Variants in OXNAD1 observed in about 807,000 individuals in gnomAD.
The protein encoded by OXNAD1 is oxidoreductase NAD binding domain containing 1.
A neutral mutation model predicts 32.9 loss-of-function variants in OXNAD1; 34 were observed. The ratio of observed to expected loss-of-function variants is 1.03; its 90% CI spans 0.79 to 1.38. The LOEUF (loss-of-function observed/expected upper bound fraction) is 1.38, where lower values mean the gene tolerates loss of function less well. Ranked by LOEUF, OXNAD1 falls within the 40% of genes most tolerant of loss-of-function variation. The pLI, the probability that OXNAD1 is intolerant of heterozygous loss-of-function variation, is 0.00. For synonymous variants in OXNAD1, 134 were observed against 135.2 expected, an observed-to-expected ratio of 0.99 and a Z score of 0.06; for missense variants, 407 against 379.4, an observed-to-expected ratio of 1.07 and a Z score of -0.60.
intron 9 of OXNAD1, among the ~76,000 whole-genome samples, chr3:16,331,864 C>T (rs1300014871): frequency 6.6e-6 from 1 of 152,244 alleles, no homozygotes; most frequent in East Asian, 1.9e-4. Flanking sequence ...CTAAAAATGC[C>T]TTTGTGTTAA....
intron 4 of OXNAD1, among the ~76,000 whole-genome samples, chr3:16,273,397 T>G (rs1283374187): frequency 1.3e-5 from 2 of 149,694 alleles, no homozygotes; most frequent in East Asian, 3.9e-4. Context: ...TTTTTTTTTT[T>G]TTTTTGAGAC....
chr3:16,317,205 T>G lies in OXNAD1; in HGVS notation c.*30+13613T>G. 1 of 1,613,238 alleles carries G rather than the reference T, an allele frequency of 6.2e-7. No individual in the cohort carries two copies. Among genetic ancestry groups the G allele is most frequent in the Non-Finnish European group, 8.5e-7 (1 of 1,179,978 alleles). On this transcript the variant is annotated intron_variant, in intron 9 of 9. Coordinates refer to the OXNAD1 transcript ENST00000435829. The surrounding 1 kb of genome is among the most constrained non-coding windows in gnomAD (Gnocchi z 4.3). The stretch of plus-strand genomic sequence containing the variant: ...GATTTCCTCATCTGCCTGTTGTGCA[T>G]TTCTTCTCTGGAGAATCGCCACTGA...
intron 9 of OXNAD1, among the ~76,000 whole-genome samples, chr3:16,313,205 A>ATTTTTTTTTTTTTTTTTTTTTTTTTTTTT (rs750491540): frequency 1.9e-5 from 2 of 103,806 alleles, no homozygotes; most frequent in African/African-American, 4.4e-5. Context: ...CACCCAGCGG[A>ATTTTTTTTTTTTTTTTTTTTTTTTTTTTT]TTTTTTTTTT....
At chr3:16,337,740 CAA>C (rs5846920), downstream of OXNAD1, among the ~76,000 whole-genome samples, 24,649 of 94,850 alleles carry the variant, frequency 0.26, 2,309 homozygotes, top group African/African-American at 0.35. The surrounding 1 kb of genome is among the most constrained non-coding windows in gnomAD (Gnocchi z 5.0). Flanking sequence ...GACTCCATCT[CAA>C]AAAAAAAAAA....
At chr3:16,286,221 T>G in intron 4 of OXNAD1, 121 bp from the exon 5 acceptor site, 1 of 727,052 alleles carries the variant, frequency 1.4e-6, no homozygotes. Flanking sequence ...TTACCTTGTT[T>G]GGCAATTTTC....
intron 4 of OXNAD1, among the ~76,000 whole-genome samples, chr3:16,281,746 C>T (rs2065754210): frequency 6.6e-6 from 1 of 152,082 alleles, no homozygotes; most frequent in South Asian, 2.1e-4. Flanking sequence ...TCAGGTGTCT[C>T]AGCTGAAATT....
At chr3:16,293,065 C>T in intron 5 of OXNAD1, among the ~76,000 whole-genome samples, 1 of 152,108 alleles carries the variant, frequency 6.6e-6, no homozygotes. Flanking sequence ...AATGAAAACA[C>T]CTGGGGTTTT....
At position 16,287,978 on chromosome 3, in the gene OXNAD1, G is replaced by A. The variant is rs974603560; in HGVS notation, c.290+1530G>A. On this transcript the variant is annotated intron_variant, in intron 5 of 8. Coordinates refer to ENST00000285083, the MANE Select transcript of OXNAD1 (RefSeq NM_138381.5). This position sits in a 1 kb window ranked among gnomAD's most constrained non-coding sequence, Gnocchi z 4.8. ...CGGGTAAGGATCACTGGCTGGTAGT[G>A]TGTGACGCTTTCCCTCCCAGGTGTT... Among the ~76,000 whole-genome samples, 2 of 152,182 alleles carry A rather than the reference G, an allele frequency of 1.3e-5. No homozygotes were observed. Among genetic ancestry groups the A allele is most frequent in the Non-Finnish European group, 2.9e-5 (2 of 68,040 alleles).
At chr3:16,309,971 A>ATC (rs2067853692), downstream of OXNAD1, among the ~76,000 whole-genome samples, 1 of 152,072 alleles carries the variant, frequency 6.6e-6, no homozygotes, top group Non-Finnish European at 1.5e-5. Context: ...TATTGTTTGT[A>ATC]TCTCTGGGGT....
Position 16,328,903 on chromosome 3 carries a change from T to A in OXNAD1, c.*31-8209T>A, listed in dbSNP as rs9813510. 3.0e-3 allele frequency among the ~76,000 whole-genome samples: 462 copies of A among 152,240 alleles called. 6 individuals carry two copies. Among genetic ancestry groups the A allele is most frequent in the African/African-American group, 0.01 (430 of 41,546 alleles). On this transcript the variant is annotated intron_variant, in intron 9 of 9. Coordinates refer to the OXNAD1 transcript ENST00000435829. The stretch of plus-strand genomic sequence containing the variant: ...CCCATCATTCTCCATGAGAAAAAAA[T>A]ATATATTTTTAAAGGATCAGCTCTG...
At chr3:16,319,474 A>AC (rs540579330) in intron 9 of OXNAD1, among the ~76,000 whole-genome samples, 3 of 152,166 alleles carry the variant, frequency 2.0e-5, no homozygotes, top group Non-Finnish European at 4.4e-5. Context: ...TGCGGTGCAC[A>AC]CCTCCAGGGC....
chr3:16,313,528 C>CATTG (rs1269865288), intron 9 of OXNAD1: 1 of 152,170 alleles, frequency 6.6e-6, no homozygotes. Flanking sequence ...GTATCTGCCA[C>CATTG]ATTGATTACC....
chr3:16,350,528 A>C (rs111496018), downstream of OXNAD1, among the ~76,000 whole-genome samples: 5 of 151,786 alleles, frequency 3.3e-5, 1 homozygote, highest in African/African-American at 1.2e-4. Flanking sequence ...GCACTCATCC[A>C]TACATACTAT....
At chr3:16,308,320 CA>C (rs957014956), downstream of OXNAD1, among the ~76,000 whole-genome samples, 8 of 152,158 alleles carry the variant, frequency 5.3e-5, no homozygotes, top group African/African-American at 1.9e-4. This position sits in a 1 kb window ranked among gnomAD's most constrained non-coding sequence, Gnocchi z 4.4. Context: ...CTTAGGGGCC[CA>C]GGGGTAGCAG....
chr3:16,270,927 A>C lies in OXNAD1; in HGVS notation c.-8-18A>C, dbSNP rs201198369. On this transcript the variant is annotated intron_variant, in intron 2 of 8. Coordinates refer to ENST00000285083, the MANE Select transcript of OXNAD1 (RefSeq NM_138381.5). ...TTTTAAAAAAACAATTTGAAATTTCAGTTTTCTGTTTGCCCAGAAAGCGCC... is the reference window on the plus strand; with the variant it reads ...TTTTAAAAAAACAATTTGAAATTTCCGTTTTCTGTTTGCCCAGAAAGCGCC... The C allele has an allele frequency of 3.7e-6, 6 of 1,613,344 alleles. No homozygotes were observed. The highest frequency in any genetic ancestry group is 4.2e-6 in the Non-Finnish European group (5 of 1,179,838).
At chr3:16,313,139 G>GA (rs1245962963) in intron 9 of OXNAD1, among the ~76,000 whole-genome samples, 1 of 149,288 alleles carries the variant, frequency 6.7e-6, no homozygotes, top group East Asian at 2.0e-4. Flanking sequence ...TCGACCTCCT[G>GA]GGCTCAAGCA....
rs1278851688 is a variant in OXNAD1 at position 16,335,692 on chromosome 3, T to C, written c.*31-1420T>C. On this transcript the variant is annotated intron_variant, in intron 9 of 9. Coordinates refer to the OXNAD1 transcript ENST00000435829. The surrounding 1 kb of genome is among the most constrained non-coding windows in gnomAD (Gnocchi z 4.7). ...GATGCTGGGCTTCATACCTAGGTGATAGCCTGATCTGAGCAGCAACACACA... is the reference window on the plus strand; with the variant it reads ...GATGCTGGGCTTCATACCTAGGTGACAGCCTGATCTGAGCAGCAACACACA... Among the ~76,000 whole-genome samples, 1 of 150,762 alleles carries C rather than the reference T, an allele frequency of 6.6e-6. No individual in the cohort carries two copies. The highest frequency in any genetic ancestry group is 1.5e-5 in the Non-Finnish European group (1 of 67,892).
downstream of OXNAD1, among the ~76,000 whole-genome samples, chr3:16,310,433 T>A (rs1295251819): frequency 6.6e-6 from 1 of 152,226 alleles, no homozygotes; most frequent in East Asian, 1.9e-4. Context: ...TCTTTAAGCC[T>A]TTATATTATT....
intron 9 of OXNAD1, among the ~76,000 whole-genome samples, chr3:16,328,173 C>T (rs1021271106): frequency 2.0e-5 from 3 of 152,264 alleles, no homozygotes; most frequent in Non-Finnish European, 4.4e-5. Context: ...CTGGCAGGGC[C>T]ATGGGACTTT....
Sources: gnomAD v4.1 joint callset for allele counts (sites outside exome capture counted in the v4.1 genomes callset) on GRCh38, gnomAD v4.1.1 for gene constraint, Gnocchi (gnomAD v3.1) non-coding constraint, MANE v1.5 for transcripts, NCBI Gene and HGNC (gene_info 2026-07-23, HGNC 2026-07-21) for gene names.